The following SGO2 variants were observed in gnomAD, a reference collection of about 807,000 sequenced individuals.
The protein encoded by SGO2 is shugoshin-like 2.
In SGO2, 68 loss-of-function variants were observed where a neutral mutation model predicts 99.5. The observed-to-expected ratio is 0.68, with a 90% CI of 0.56 to 0.84. The LOEUF is 0.84. Ranked by LOEUF, SGO2 falls within the 40% of genes least tolerant of loss-of-function variation. The pLI is 0.00. For synonymous variants in SGO2, 457 were observed against 487.1 expected, an observed-to-expected ratio of 0.94 and a Z score of 0.81; for missense variants, 1,350 against 1,436.7, an observed-to-expected ratio of 0.94 and a Z score of 0.97.
chr2:200,563,788 A>C (rs984962529), intron 5 of SGO2, among the ~76,000 whole-genome samples: 2 of 152,018 alleles, frequency 1.3e-5, no homozygotes, highest in Non-Finnish European at 2.9e-5. Context: ...TAGTCTTGGG[A>C]GTGTGTATGT....
rs751691540 is a variant in SGO2, at chr2:200,573,652, C to T, written c.3306C>T (p.Ser1102=). The T allele has an allele frequency of 1.9e-5, 31 of 1,612,942 alleles. No individual in the cohort carries two copies. Among genetic ancestry groups the T allele is most frequent in the Non-Finnish European group, 2.5e-5 (29 of 1,179,406 alleles). The change falls in exon 7 of 9, where the codon AGC becomes AGT. Residue 1102 remains serine, a synonymous_variant. Coordinates refer to ENST00000357799, the MANE Select transcript of SGO2 (RefSeq NM_152524.6). ...SHEVMERILD[S]VQGKSTVSEQ... ...AAGTAATGGAAAGAATACTTGACAGCGTTCAGGGAAAGTCTACTGTATCTG... is the reference window on the plus strand; with the variant it reads ...AAGTAATGGAAAGAATACTTGACAGTGTTCAGGGAAAGTCTACTGTATCTG...
At chr2:200,539,806 T>C (rs1216594539) in intron 4 of SGO2, among the ~76,000 whole-genome samples, 3 of 152,182 alleles carry the variant, frequency 2.0e-5, no homozygotes, top group Non-Finnish European at 4.4e-5. Flanking sequence ...AGTCCTGCCC[T>C]CTTTCTCTTT....
Position 200,570,385 on chromosome 2 carries a change from G to A in SGO2, c.703+493G>A, listed in dbSNP as rs2033353573. ...TAAATGATAATCTGTGGTGTAGTCT[G>A]GTGCTTACAGATTTGCCATAGATTT... On this transcript the variant is annotated intron_variant, in intron 6 of 8. Coordinates refer to ENST00000357799, the MANE Select transcript of SGO2 (RefSeq NM_152524.6). This position sits in a 1 kb window ranked among gnomAD's most constrained non-coding sequence, Gnocchi z 4.4. Among the ~76,000 whole-genome samples, 1 of 151,000 alleles carries A rather than the reference G, an allele frequency of 6.6e-6. No individual in the cohort carries two copies. Among genetic ancestry groups the A allele is most frequent in the African/African-American group, 2.4e-5 (1 of 41,146 alleles).
In SGO2 at chr2:200,544,602, A is replaced by G. The variant is rs575500285; in HGVS notation, c.473+1938A>G. 6.8e-4 allele frequency among the ~76,000 whole-genome samples: 103 copies of G among 152,252 alleles called. 1 individual carries two copies. Among genetic ancestry groups the G allele is most frequent in the African/African-American group, 2.4e-3 (100 of 41,552 alleles). On this transcript the variant is annotated intron_variant, in intron 5 of 8. Transcript: ENST00000357799. ...TGACTTGGTTTTCTAGTTTTGGTCT[A>G]TTACAAATAGGGCTGCCACATATAT... is the stretch of plus-strand genomic sequence containing the variant.
Position 200,535,131 on chromosome 2 carries a change from A to G in SGO2, c.269A>G (p.Asn90Ser), listed in dbSNP as rs2031628157. The G allele has an allele frequency of 1.3e-6, 2 of 1,536,360 alleles. No homozygotes were observed. Among genetic ancestry groups the G allele is most frequent in the South Asian group, 2.6e-5 (2 of 78,272 alleles). The stretch of plus-strand genomic sequence containing the variant: ...TTGCAAAAAGAAGTAGAGAAACTGA[A>G]TTTTGAGAACACATTTCTTCGCCTA... ...MLLQKEVEKL[N>S]FENTFLRLKL... is the part of the protein sequence containing the mutation. Residue 90 changes from asparagine to serine, a missense_variant, in exon 3 of 9, where the codon AAT (asparagine) becomes AGT (serine). Coordinates refer to ENST00000357799, the MANE Select transcript of SGO2 (RefSeq NM_152524.6).
At chr2:200,532,670 G>A (rs997522870) in intron 1 of SGO2, among the ~76,000 whole-genome samples, 1 of 151,924 alleles carries the variant, frequency 6.6e-6, no homozygotes, top group Non-Finnish European at 1.5e-5. Flanking sequence ...TGAAAACACT[G>A]TCTGTACCCG....
At chr2:200,560,485 G>T (rs987489246) in intron 5 of SGO2, among the ~76,000 whole-genome samples, 1 of 151,878 alleles carries the variant, frequency 6.6e-6, no homozygotes, top group Non-Finnish European at 1.5e-5. Flanking sequence ...TTTTTATAAT[G>T]ATTTGTATTG....
At chr2:200,566,322 A>G (rs2033186003) in intron 5 of SGO2, among the ~76,000 whole-genome samples, 1 of 152,136 alleles carries the variant, frequency 6.6e-6, no homozygotes, top group African/African-American at 2.4e-5. Context: ...CTGTTGGAGT[A>G]TGCTGGAGGT....
At chr2:200,558,210 A>G (rs2032796895) in intron 5 of SGO2, among the ~76,000 whole-genome samples, 1 of 152,110 alleles carries the variant, frequency 6.6e-6, no homozygotes, top group Non-Finnish European at 1.5e-5. Context: ...AGGCATTCAT[A>G]TTGTATTCCC....
intron 5 of SGO2, among the ~76,000 whole-genome samples, chr2:200,560,953 A>G (rs948122091): frequency 3.3e-5 from 5 of 152,244 alleles, no homozygotes; most frequent in Admixed American, 3.3e-4. Flanking sequence ...TCAAGTCAAT[A>G]TAGAAAACGT....
chr2:200,528,557 G>A (rs2031215260), intron 1 of SGO2, among the ~76,000 whole-genome samples: 1 of 152,152 alleles, frequency 6.6e-6, no homozygotes, highest in Non-Finnish European at 1.5e-5. Flanking sequence ...GGGAGTTTAG[G>A]ACATGTTAAA....
intron 5 of SGO2, among the ~76,000 whole-genome samples, chr2:200,555,649 T>G (rs1190442607): frequency 1.3e-5 from 2 of 152,182 alleles, no homozygotes; most frequent in East Asian, 3.8e-4. Context: ...AGCATGCTTT[T>G]CTGATCCAAA....
intron 3 of SGO2, 136 bp downstream of exon 3, chr2:200,535,307 A>G (rs2031640947): frequency 2.8e-6 from 2 of 704,756 alleles, no homozygotes; most frequent in Non-Finnish European, 4.4e-6. Context: ...ATGTAAGTCT[A>G]TGTCAAAGTA....
chr2:200,563,507 G>T (rs1316811771), intron 5 of SGO2, among the ~76,000 whole-genome samples: 1 of 152,170 alleles, frequency 6.6e-6, no homozygotes. Flanking sequence ...AGAGTTATTG[G>T]TCTAAAATTT....
rs775131063 is a variant in SGO2, at chr2:200,572,606, A to G, written c.2260A>G (p.Ile754Val). 1.9e-6 allele frequency: 3 copies of G among 1,613,110 alleles called. No individual in the cohort carries two copies. In the South Asian group the frequency reaches 3.3e-5, roughly 18 times the overall value. ...LFLTQKDKEI[I>V]PGNLEDPSEF... ...TTTAACGCAAAAAGATAAGGAAATC[A>G]TCCCTGGAAACCTAGAAGACCCAAG... is the stretch of plus-strand genomic sequence containing the variant. Residue 754 changes from isoleucine to valine, a missense_variant, in exon 7 of 9, where the codon ATC becomes GTC. By Grantham distance (29) the Ile-to-Val change is conservative. Transcript: ENST00000357799.
chr2:200,565,681 C>T (rs535885276), intron 5 of SGO2, among the ~76,000 whole-genome samples: 5 of 152,306 alleles, frequency 3.3e-5, no homozygotes, highest in East Asian at 3.9e-4. Flanking sequence ...CCATTCTCCC[C>T]GTCACTTTCA....
chr2:200,543,570 T>G lies in SGO2; in HGVS notation c.473+906T>G, dbSNP rs12997871. 1.1e-3 allele frequency: 170 copies of G among 152,338 alleles called. 1 individual carries two copies. The highest frequency in any genetic ancestry group is 3.9e-3 in the African/African-American group (164 of 41,574). The allele number at this position is 152,338 out of a possible 1,614,324, so 9.4% of individuals were successfully genotyped here. A position where few individuals can be genotyped will look rare whatever the true frequency, so the allele number is the denominator to read the frequency against. On this transcript the variant is annotated intron_variant, in intron 5 of 8. Coordinates refer to ENST00000357799, the MANE Select transcript of SGO2 (RefSeq NM_152524.6). ...GCTTTTACTTAAGTGCACAAGTAAA[T>G]GCACTTATTTATTGAAATGCTATCT...
chr2:200,547,565 A>T (rs969830062), intron 5 of SGO2, among the ~76,000 whole-genome samples: 3 of 152,220 alleles, frequency 2.0e-5, no homozygotes, highest in African/African-American at 7.2e-5. Flanking sequence ...TATCAAAACT[A>T]TATCAACCTG....
chr2:200,554,140 A>G (rs771973848), intron 5 of SGO2, among the ~76,000 whole-genome samples: 4 of 152,210 alleles, frequency 2.6e-5, no homozygotes, highest in Non-Finnish European at 5.9e-5. Flanking sequence ...TTCAAATTCT[A>G]GAGAAATCAG....
Sources: allele counts gnomAD v4.1 joint callset (sites outside exome capture counted in the v4.1 genomes callset), GRCh38; gene constraint gnomAD v4.1.1; non-coding constraint Gnocchi (gnomAD v3.1); transcripts MANE v1.5; gene names NCBI Gene and HGNC (gene_info 2026-07-23, HGNC 2026-07-21).